Variants in WNT1 observed in about 807,000 individuals in gnomAD.
The protein encoded by WNT1 is proto-oncogene Wnt-1.
A neutral mutation model predicts 21.3 loss-of-function variants in WNT1; 10 were observed. The ratio of observed to expected loss-of-function variants is 0.47; its 90% CI spans 0.29 to 0.80. The LOEUF is 0.80. Ranked by LOEUF, WNT1 falls within the 30% of genes least tolerant of loss-of-function variation. WNT1 has a pLI of 0.09. For synonymous variants in WNT1, 208 were observed against 236.3 expected, an observed-to-expected ratio of 0.88 and a Z score of 1.10; for missense variants, 476 against 534.1, an observed-to-expected ratio of 0.89 and a Z score of 1.07.
At position 48,979,481 on chromosome 12, in the gene WNT1, G is replaced by C; in HGVS notation, c.118G>C (p.Val40Leu). Residue 40 changes from valine to leucine, a missense_variant, in exon 2 of 4, where the codon GTA (valine) becomes CTA (leucine). Val to Leu is a conservative substitution (Grantham distance 32). Coordinates refer to ENST00000293549, the MANE Select transcript of WNT1 (RefSeq NM_005430.4). The surrounding 1 kb of genome is among the most constrained non-coding windows in gnomAD (Gnocchi z 6.0). The stretch of plus-strand genomic sequence containing the variant: ...ACGTCCCACCAGGGGTATTGTGAAC[G>C]TAGCCTCCTCCACGAACCTGCTTAC... ...SSGRWWGIVN[V>L]ASSTNLLTDS... 4 of 1,610,632 alleles carry C rather than the reference G, an allele frequency of 2.5e-6. No individual in the cohort carries two copies. The highest frequency in any genetic ancestry group is 3.4e-6 in the Non-Finnish European group (4 of 1,177,656).
rs1346146813 is a variant in WNT1, at chr12:48,981,026, CT to C, written c.625-125del. 1 of 1,450,676 alleles carries C rather than the reference CT, an allele frequency of 6.9e-7. No individual in the cohort carries two copies. Among genetic ancestry groups the C allele is most frequent in the South Asian group, 1.4e-5 (1 of 70,756 alleles). 89.9% of individuals were successfully genotyped at this position (1,450,676 alleles called of 1,614,324 possible). ...CGGAACATTTCGCGCCTCCCTTCCC[CT>C]GGGCTCAGCTAGGCCTGGGCCTTTG... On this transcript the variant is annotated intron_variant, in intron 3 of 3. Transcript: ENST00000293549. This position sits in a 1 kb window ranked among gnomAD's most constrained non-coding sequence, Gnocchi z 7.4.
Position 48,981,082 on chromosome 12 carries a change from G to T in WNT1, c.625-70G>T. On this transcript the variant is annotated intron_variant, in intron 3 of 3. Transcript: ENST00000293549. The surrounding 1 kb of genome is among the most constrained non-coding windows in gnomAD (Gnocchi z 7.4). ...GGTCCGGCCCCCGTGGCGTCCGGGA[G>T]AGGGCAGTGTCTGGGAGGGTGACTC... The T allele has an allele frequency of 6.4e-7, 1 of 1,569,924 alleles. No individual in the cohort carries two copies. The highest frequency in any genetic ancestry group is 8.6e-7 in the Non-Finnish European group (1 of 1,157,424).
In WNT1 at chr12:48,981,554, G is replaced by C. The variant is rs780565493; in HGVS notation, c.1027G>C (p.Glu343Gln). 32 of 1,534,250 alleles carry C rather than the reference G, an allele frequency of 2.1e-5. 1 individual carries two copies. The East Asian group carries it at 8.0e-4, about 38-fold the overall frequency. ...CCGCACGCGCACGCAGCGCGTCACC[G>C]AGCGCTGCAACTGCACCTTCCACTG... is the stretch of plus-strand genomic sequence containing the variant. ...GHRTRTQRVTERCNCTFHWCC... is the reference protein window; with the variant it reads ...GHRTRTQRVTQRCNCTFHWCC... The change falls in exon 4 of 4, where the codon GAG (glutamate) becomes CAG (glutamine). Residue 343 changes from glutamate to glutamine, a missense_variant. Transcript: ENST00000293549. This position sits in a 1 kb window ranked among gnomAD's most constrained non-coding sequence, Gnocchi z 7.4.
chr12:48,980,100 CT>C lies in WNT1; in HGVS notation c.359-323del, dbSNP rs1334746801. Among the ~76,000 whole-genome samples the C allele has an allele frequency of 2.0e-5, 3 of 152,220 alleles. No homozygotes were observed. Among genetic ancestry groups the C allele is most frequent in the Admixed American group, 2.0e-4 (3 of 15,286 alleles). ...GCCAAAATGGGCCGAAAGTTTTGGG[CT>C]GCGAAGAAGTCTTGGGGATGTATGG... On this transcript the variant is annotated intron_variant, in intron 2 of 3. Transcript: ENST00000293549. This position sits in a 1 kb window ranked among gnomAD's most constrained non-coding sequence, Gnocchi z 7.0.
chr12:48,980,001 CCT>C lies in WNT1; in HGVS notation c.358+286_358+287del, dbSNP rs375756335. Reference sequence around the variant, plus strand: ...CCGGCTGACCGCCGCTTTCCCCCAGCCTCTCTCAAAAGCGCCTGGGAAGCTGC... The same window carrying C: ...CCGGCTGACCGCCGCTTTCCCCCAGCCTCTCAAAAGCGCCTGGGAAGCTGC... On this transcript the variant is annotated intron_variant, in intron 2 of 3. Coordinates refer to ENST00000293549, the MANE Select transcript of WNT1 (RefSeq NM_005430.4). The surrounding 1 kb of genome is among the most constrained non-coding windows in gnomAD (Gnocchi z 7.0). Among the ~76,000 whole-genome samples the C allele has an allele frequency of 4.4e-3, 673 of 152,352 alleles. 2 individuals carry two copies. The highest frequency in any genetic ancestry group is 7.8e-3 in the Non-Finnish European group (528 of 68,036).
Position 48,981,669 on chromosome 12 carries a change from G to A in WNT1, c.*29G>A. On this transcript the variant is annotated 3_prime_UTR_variant, in exon 4 of 4. Transcript: ENST00000293549. This position sits in a 1 kb window ranked among gnomAD's most constrained non-coding sequence, Gnocchi z 7.4. Reference sequence around the variant, plus strand: ...GCTGCGCGGACTCGCCCCCAGGAACGCTCTCCTCGAGCCCTCCCCCAAACA... The same window carrying A: ...GCTGCGCGGACTCGCCCCCAGGAACACTCTCCTCGAGCCCTCCCCCAAACA... The A allele has an allele frequency of 7.0e-7, 1 of 1,426,072 alleles. No individual in the cohort carries two copies. Among genetic ancestry groups the A allele is most frequent in the Non-Finnish European group, 9.1e-7 (1 of 1,094,486 alleles). 88.3% of individuals were successfully genotyped at this position (1,426,072 alleles called of 1,614,324 possible).
At position 48,981,568 on chromosome 12, in the gene WNT1, C is replaced by A; in HGVS notation, c.1041C>A (p.Cys347Ter). ...AGCGCGTCACCGAGCGCTGCAACTG[C>A]ACCTTCCACTGGTGCTGCCACGTCA... ...RTQRVTERCN[C>*]TFHWCCHVSC... Residue 347 changes from cysteine to a stop codon, truncating the protein, a stop_gained, in exon 4 of 4, where the codon TGC becomes TGA. Coordinates refer to ENST00000293549, the MANE Select transcript of WNT1 (RefSeq NM_005430.4). LOFTEE classifies it high-confidence loss of function. This position sits in a 1 kb window ranked among gnomAD's most constrained non-coding sequence, Gnocchi z 7.4. 1 of 1,526,282 alleles carries A rather than the reference C, an allele frequency of 6.6e-7. No individual in the cohort carries two copies. The highest frequency in any genetic ancestry group is 1.2e-5 in the South Asian group (1 of 81,326). The allele number at this position is 1,526,282 out of a possible 1,614,324, so 94.5% of individuals were successfully genotyped here.
chr12:48,981,785 T>G lies in WNT1; in HGVS notation c.*145T>G. The G allele has an allele frequency of 4.3e-6, 5 of 1,174,464 alleles. No individual in the cohort carries two copies. The highest frequency in any genetic ancestry group is 3.4e-6 in the Non-Finnish European group (3 of 885,236). The allele number at this position is 1,174,464 out of a possible 1,614,324, so 72.8% of individuals were successfully genotyped here. A position where few individuals can be genotyped will look rare whatever the true frequency, so the allele number is the denominator to read the frequency against. On this transcript the variant is annotated 3_prime_UTR_variant, in exon 4 of 4. Coordinates refer to ENST00000293549, the MANE Select transcript of WNT1 (RefSeq NM_005430.4). The surrounding 1 kb of genome is among the most constrained non-coding windows in gnomAD (Gnocchi z 7.4). ...TTCATACGCATCCCATCTCTCCCACTTCCTCCTACCTGGGGACTCCTCAAA... is the reference window on the plus strand; with the variant it reads ...TTCATACGCATCCCATCTCTCCCACGTCCTCCTACCTGGGGACTCCTCAAA...
At position 48,980,244 on chromosome 12, in the gene WNT1, C is replaced by T. The variant is rs1437411428; in HGVS notation, c.359-180C>T. Among the ~76,000 whole-genome samples the T allele has an allele frequency of 1.3e-5, 2 of 152,250 alleles. No individual in the cohort carries two copies. The highest frequency in any genetic ancestry group is 2.9e-5 in the Non-Finnish European group (2 of 68,040). ...GTGATTACGCCCGTGGACGTGGCTG[C>T]GTGCCCACGCACCTGCTTTCTCTAC... On this transcript the variant is annotated intron_variant, in intron 2 of 3. Transcript: ENST00000293549. This position sits in a 1 kb window ranked among gnomAD's most constrained non-coding sequence, Gnocchi z 7.0.
rs776829186 is a variant in WNT1 at position 48,979,712 on chromosome 12, G to A, written c.349G>A (p.Val117Ile). The change falls in exon 2 of 4, where the codon GTC (valine) becomes ATC (isoleucine). Residue 117 changes from valine to isoleucine, a missense_variant. Physicochemically the swap from Val to Ile is conservative, Grantham distance 29 (BLOSUM62 3). Transcript: ENST00000293549. The surrounding 1 kb of genome is among the most constrained non-coding windows in gnomAD (Gnocchi z 6.0). Reference protein sequence around the residue: ...APGPHLFGKIVNRGCRETAFI... With the variant: ...APGPHLFGKIINRGCRETAFI... The stretch of plus-strand genomic sequence containing the variant: ...AGGGCCCCACCTCTTCGGCAAGATC[G>A]TCAACCGAGGTGGGTGCCCAGGAAG... 14 of 1,589,386 alleles carry A rather than the reference G, an allele frequency of 8.8e-6. No individual in the cohort carries two copies. The South Asian group carries it at 1.1e-4, about 13-fold the overall frequency.
At position 48,979,853 on chromosome 12, in the gene WNT1, T is replaced by A; in HGVS notation, c.358+132T>A. ...CACACAATCAACCTTGCCAAGTGCC[T>A]CGTGCCCAGCGCCAGCTCGGGGCCA... On this transcript the variant is annotated intron_variant, in intron 2 of 3. Transcript: ENST00000293549. This position sits in a 1 kb window ranked among gnomAD's most constrained non-coding sequence, Gnocchi z 6.0. The A allele has an allele frequency of 7.6e-7, 1 of 1,317,564 alleles. No individual in the cohort carries two copies. The highest frequency in any genetic ancestry group is 1.0e-6 in the Non-Finnish European group (1 of 996,960). 81.6% of individuals were successfully genotyped at this position (1,317,564 alleles called of 1,614,324 possible).
Position 48,980,564 on chromosome 12 carries a change from T to TG in WNT1, c.506dup (p.Cys170LeufsTer6), listed in dbSNP as rs779969402. The TG allele has an allele frequency of 2.5e-5, 41 of 1,609,694 alleles. No individual in the cohort carries two copies. Among genetic ancestry groups the TG allele is most frequent in the Admixed American group, 1.0e-4 (6 of 59,416 alleles). ...CGGCCCCGGGGGCCCCGACTGGCAC[T>TG]GGGGGGGCTGCAGCGACAACATTGA... On this transcript the variant is annotated frameshift_variant, in exon 3 of 4. Coordinates refer to ENST00000293549, the MANE Select transcript of WNT1 (RefSeq NM_005430.4). LOFTEE classifies it high-confidence loss of function. This position sits in a 1 kb window ranked among gnomAD's most constrained non-coding sequence, Gnocchi z 7.0.
At position 48,980,253 on chromosome 12, in the gene WNT1, G is replaced by C. The variant is rs1940992027; in HGVS notation, c.359-171G>C. On this transcript the variant is annotated intron_variant, in intron 2 of 3. Coordinates refer to ENST00000293549, the MANE Select transcript of WNT1 (RefSeq NM_005430.4). The surrounding 1 kb of genome is among the most constrained non-coding windows in gnomAD (Gnocchi z 7.0). ...CCCGTGGACGTGGCTGCGTGCCCAC[G>C]CACCTGCTTTCTCTACTAGCCCTAG... is the stretch of plus-strand genomic sequence containing the variant. Among the ~76,000 whole-genome samples the C allele has an allele frequency of 1.3e-5, 2 of 152,330 alleles. No individual in the cohort carries two copies. Among genetic ancestry groups the C allele is most frequent in the South Asian group, 4.1e-4 (2 of 4,830 alleles).
In WNT1 at chr12:48,980,787, A is replaced by G; in HGVS notation, c.624+98A>G. On this transcript the variant is annotated intron_variant, in intron 3 of 3. Coordinates refer to ENST00000293549, the MANE Select transcript of WNT1 (RefSeq NM_005430.4). The surrounding 1 kb of genome is among the most constrained non-coding windows in gnomAD (Gnocchi z 7.0). Reference sequence around the variant, plus strand: ...GTGAGATAAGGCAAGGGGCACCAGGAGAGGGCGTCCTGGGAGAGCCGGAGG... The same window carrying G: ...GTGAGATAAGGCAAGGGGCACCAGGGGAGGGCGTCCTGGGAGAGCCGGAGG... 1 of 1,449,112 alleles carries G rather than the reference A, an allele frequency of 6.9e-7. No individual in the cohort carries two copies. Among genetic ancestry groups the G allele is most frequent in the Non-Finnish European group, 9.1e-7 (1 of 1,099,808 alleles). The allele number at this position is 1,449,112 out of a possible 1,614,324, so 89.8% of individuals were successfully genotyped here. A position where few individuals can be genotyped will look rare whatever the true frequency, so the allele number is the denominator to read the frequency against.
rs576120618 is a variant in WNT1 at position 48,981,014 on chromosome 12, G to T, written c.625-138G>T. The stretch of plus-strand genomic sequence containing the variant: ...TCCAAATCTCAGCGGAACATTTCGC[G>T]CCTCCCTTCCCCTGGGCTCAGCTAG... On this transcript the variant is annotated intron_variant, in intron 3 of 3. Transcript: ENST00000293549. This position sits in a 1 kb window ranked among gnomAD's most constrained non-coding sequence, Gnocchi z 7.4. The T allele has an allele frequency of 1.1e-4, 157 of 1,384,428 alleles. No individual in the cohort carries two copies. In the African/African-American group the frequency reaches 2.1e-3, roughly 19 times the overall value. The allele number at this position is 1,384,428 out of a possible 1,614,324, so 85.8% of individuals were successfully genotyped here.
rs534137205 is a variant in WNT1, at chr12:48,979,396, C to G, written c.105-72C>G. 18 of 1,513,990 alleles carry G rather than the reference C, an allele frequency of 1.2e-5. No homozygotes were observed. The highest frequency in any genetic ancestry group is 1.6e-5 in the Non-Finnish European group (18 of 1,128,056). 93.8% of individuals were successfully genotyped at this position (1,513,990 alleles called of 1,614,324 possible). On this transcript the variant is annotated intron_variant, in intron 1 of 3. Transcript: ENST00000293549. The surrounding 1 kb of genome is among the most constrained non-coding windows in gnomAD (Gnocchi z 6.0). ...CAGCCACATACCCCCAGGAAGAGGA[C>G]CGGGTGGCACAGTTTTTATGGTTAG...
Position 48,980,532 on chromosome 12 carries a change from G to T in WNT1, c.467G>T (p.Arg156Leu). The T allele has an allele frequency of 1.2e-6, 2 of 1,613,676 alleles. No homozygotes were observed. The highest frequency in any genetic ancestry group is 1.7e-6 in the Non-Finnish European group (2 of 1,179,802). ...GSIESCTCDY[R>L]RRGPGGPDWH... ...ATCGAATCCTGCACGTGTGACTACCGGCGGCGCGGCCCCGGGGGCCCCGAC... is the reference window on the plus strand; with the variant it reads ...ATCGAATCCTGCACGTGTGACTACCTGCGGCGCGGCCCCGGGGGCCCCGAC... The change falls in exon 3 of 4, where the codon CGG (arginine) becomes CTG (leucine). Residue 156 changes from arginine (R) to leucine (L), a missense_variant. Arg to Leu is a moderately radical substitution (Grantham distance 102, BLOSUM62 -2). Transcript: ENST00000293549. This position sits in a 1 kb window ranked among gnomAD's most constrained non-coding sequence, Gnocchi z 7.0.
rs1940993261 is a variant in WNT1 at position 48,980,350 on chromosome 12, T to C, written c.359-74T>C. ...TGCGGAGTCGGGGGTGGGATTCCGG[T>C]CCCAAGCCCTTCATGAGGGTGCTGG... On this transcript the variant is annotated intron_variant, in intron 2 of 3. Coordinates refer to ENST00000293549, the MANE Select transcript of WNT1 (RefSeq NM_005430.4). This position sits in a 1 kb window ranked among gnomAD's most constrained non-coding sequence, Gnocchi z 7.0. 1.3e-6 allele frequency: 2 copies of C among 1,566,616 alleles called. No individual in the cohort carries two copies. The highest frequency in any genetic ancestry group is 3.4e-5 in the Admixed American group (2 of 58,076).
Position 48,981,272 on chromosome 12 carries a change from C to G in WNT1, c.745C>G (p.Arg249Gly), listed in dbSNP as rs1231405722. The G allele has an allele frequency of 6.2e-7, 1 of 1,603,864 alleles. No individual in the cohort carries two copies. The highest frequency in any genetic ancestry group is 2.3e-5 in the East Asian group (1 of 43,914). The change falls in exon 4 of 4, where the codon CGC becomes GGC. Residue 249 changes from arginine (R) to glycine (G), a missense_variant. Physicochemically the swap from Arg to Gly is moderately radical, Grantham distance 125. Coordinates refer to ENST00000293549, the MANE Select transcript of WNT1 (RefSeq NM_005430.4). This position sits in a 1 kb window ranked among gnomAD's most constrained non-coding sequence, Gnocchi z 7.4. ...LRAVGDVLRD[R>G]FDGASRVLYG... Reference sequence around the variant, plus strand: ...CGCCGTGGGCGATGTGCTGCGCGACCGCTTCGACGGCGCCTCGCGCGTCCT... The same window carrying G: ...CGCCGTGGGCGATGTGCTGCGCGACGGCTTCGACGGCGCCTCGCGCGTCCT...
Sources: gnomAD v4.1 joint callset for allele counts (sites outside exome capture counted in the v4.1 genomes callset) on GRCh38, gnomAD v4.1.1 for gene constraint, Gnocchi (gnomAD v3.1) non-coding constraint, MANE v1.5 for transcripts, NCBI Gene and HGNC (gene_info 2026-07-23, HGNC 2026-07-21) for gene names.